Variants in ABLIM1 observed in about 807,000 individuals in gnomAD.
ABLIM1 encodes the protein actin binding LIM protein 1, also known as actin-binding LIM protein 1.
A neutral mutation model predicts 107.0 loss-of-function variants in ABLIM1; 40 were observed. The observed-to-expected ratio is 0.37, with a 90% CI of 0.29 to 0.49. The LOEUF is 0.49. ABLIM1 is among the 20% of genes least tolerant of loss of function. The pLI, the probability that ABLIM1 is intolerant of heterozygous loss-of-function variation, is 0.97. For missense variants in ABLIM1, 857 were observed against 1,008.5 expected (o/e 0.85, Z 2.04); for synonymous variants, 357 against 357.3 (o/e 1.00, Z 0.01).
At chr10:114,612,874 G>C (rs970852606) in intron 1 of ABLIM1, among the ~76,000 whole-genome samples, 2 of 152,220 alleles carry the variant, frequency 1.3e-5, no homozygotes, top group African/African-American at 4.8e-5. Flanking sequence ...TCTTGAGACA[G>C]GGTTTAGCTT....
At chr10:114,693,550 T>C (rs1483089410) in intron 1 of ABLIM1, among the ~76,000 whole-genome samples, 1 of 152,214 alleles carries the variant, frequency 6.6e-6, no homozygotes, top group African/African-American at 2.4e-5. Flanking sequence ...CCCCTGCAGC[T>C]CTTCCTCGCA....
intron 1 of ABLIM1, among the ~76,000 whole-genome samples, chr10:114,745,755 C>T (rs1389361026): frequency 6.6e-6 from 1 of 152,134 alleles, no homozygotes; most frequent in Non-Finnish European, 1.5e-5. Flanking sequence ...GTAGGAGAAT[C>T]GCTTGAACCC....
At chr10:114,602,054 G>A in intron 1 of ABLIM1, 93 bp from the exon 2 acceptor site, 3 of 1,514,166 alleles carry the variant, frequency 2.0e-6, no homozygotes, top group African/African-American at 1.4e-5. Context: ...TGTCAAATGA[G>A]CCACAGAGAT....
chr10:114,616,644 C>A (rs2077148038), intron 1 of ABLIM1, among the ~76,000 whole-genome samples: 1 of 152,106 alleles, frequency 6.6e-6, no homozygotes, highest in Non-Finnish European at 1.5e-5. Context: ...AGGAGTGGAC[C>A]CTCCTGGGTT....
chr10:114,543,198 G>A (rs963417049), intron 6 of ABLIM1, among the ~76,000 whole-genome samples: 7 of 152,140 alleles, frequency 4.6e-5, no homozygotes, highest in Non-Finnish European at 8.8e-5. Flanking sequence ...ATTTTAAAGT[G>A]AACAATTCAG....
At chr10:114,455,321 T>C (rs1422600451) in intron 12 of ABLIM1, among the ~76,000 whole-genome samples, 2 of 152,228 alleles carry the variant, frequency 1.3e-5, no homozygotes, top group African/African-American at 4.8e-5. Context: ...GACCCAAATA[T>C]GTTATAATGT....
chr10:114,485,058 A>G (rs1323627396), intron 8 of ABLIM1, among the ~76,000 whole-genome samples: 1 of 152,278 alleles, frequency 6.6e-6, no homozygotes, highest in Admixed American at 6.5e-5. Flanking sequence ...GGACCAAAAG[A>G]TAGCTTCTGA....
chr10:114,596,721 C>A (rs1161866509), intron 2 of ABLIM1, among the ~76,000 whole-genome samples: 1 of 152,160 alleles, frequency 6.6e-6, no homozygotes, highest in Non-Finnish European at 1.5e-5. Context: ...CCATCGCAAC[C>A]CTTTCCCACC....
At chr10:114,459,874 A>G (rs180714459) in intron 12 of ABLIM1, among the ~76,000 whole-genome samples, 7 of 152,320 alleles carry the variant, frequency 4.6e-5, no homozygotes, top group Non-Finnish European at 1.0e-4. Flanking sequence ...AAACACTTCA[A>G]ATGCAGACTG....
rs35168530 is a variant in ABLIM1, at chr10:114,641,247, T to TAAAAA, written c.244+16705_244+16709dup. ...GAGAAAGTCACTGTGAAGCCAATCA[T>TAAAAA]AAAAAAAAAAAAAAAAAAAAAAAAA... On this transcript the variant is annotated intron_variant, in intron 1 of 22. Coordinates refer to ENST00000533213, the MANE Select transcript of ABLIM1 (RefSeq NM_002313.7). Among the ~76,000 whole-genome samples the TAAAAA allele has an allele frequency of 4.6e-4, 17 of 37,086 alleles. 1 individual carries two copies. The highest frequency in any genetic ancestry group is 8.3e-4 in the Non-Finnish European group (15 of 18,004). The allele number at this position is 37,086 out of a possible 152,430, so 24.3% of individuals were successfully genotyped here.
chr10:114,518,021 A>C (rs890467679), intron 6 of ABLIM1, among the ~76,000 whole-genome samples: 1 of 151,862 alleles, frequency 6.6e-6, no homozygotes, highest in Admixed American at 6.6e-5. Flanking sequence ...AAAGGATTTT[A>C]CCACTATGTG....
At chr10:114,467,869 G>T (rs2065520036) in intron 11 of ABLIM1, among the ~76,000 whole-genome samples, 1 of 152,168 alleles carries the variant, frequency 6.6e-6, no homozygotes. Flanking sequence ...ATTAATTATA[G>T]ATGCGGACAA....
chr10:114,677,354 G>C (rs749590847), intron 1 of ABLIM1, among the ~76,000 whole-genome samples: 1 of 152,202 alleles, frequency 6.6e-6, no homozygotes, highest in Non-Finnish European at 1.5e-5. Context: ...AAATACCTGA[G>C]AAAAGTATAA....
chr10:114,441,125 T>G, intron 18 of ABLIM1, 48 bp from the exon 19 acceptor site: 1 of 1,527,786 alleles, frequency 6.5e-7, no homozygotes, highest in Non-Finnish European at 8.9e-7. Flanking sequence ...AGTGATCGTT[T>G]TGGAGTCAGG....
intron 1 of ABLIM1, chr10:114,615,721 C>G (rs971738405): frequency 1.4e-5 from 5 of 354,100 alleles, no homozygotes; most frequent in Non-Finnish European, 3.0e-5. Flanking sequence ...TTGGGTTCAC[C>G]AACAGTGTCT....
At chr10:114,487,491 G>T (rs1198253569) in intron 8 of ABLIM1, among the ~76,000 whole-genome samples, 2 of 152,154 alleles carry the variant, frequency 1.3e-5, no homozygotes, top group African/African-American at 4.8e-5. Flanking sequence ...TTCCCCAAAG[G>T]TTTTATCTGA....
rs1327015703 is a variant in ABLIM1, at chr10:114,707,908, A to C, written c.-213+60153T>G. On this transcript the variant is annotated intron_variant, in intron 1 of 15. Transcript: ENST00000651092. The surrounding 1 kb of genome is among the most constrained non-coding windows in gnomAD (Gnocchi z 4.1). ...AAGAGCAAAACTCCGTCTCAAAACAAACAAACAAACAAACAACAACAACAA... is the reference window on the plus strand; with the variant it reads ...AAGAGCAAAACTCCGTCTCAAAACACACAAACAAACAAACAACAACAACAA... Among the ~76,000 whole-genome samples, 1 of 151,094 alleles carries C rather than the reference A, an allele frequency of 6.6e-6. No homozygotes were observed. Among genetic ancestry groups the C allele is most frequent in the Non-Finnish European group, 1.5e-5 (1 of 67,974 alleles).
At chr10:114,788,342 A>T in the ABLIM1 span, among the ~76,000 whole-genome samples, 74 of 19,578 alleles carry the variant, frequency 3.8e-3, no homozygotes, top group South Asian at 0.013. Context: ...AATAAAAAAA[A>T]AAAAAATAAA....
At chr10:114,794,125 A>G in the ABLIM1 span, among the ~76,000 whole-genome samples, 1 of 152,198 alleles carries the variant, frequency 6.6e-6, no homozygotes, top group Admixed American at 6.5e-5. Context: ...ATGTGTCTGG[A>G]CCTACTAGGT....
Sources: gnomAD v4.1 joint callset for allele counts (sites outside exome capture counted in the v4.1 genomes callset) on GRCh38, gnomAD v4.1.1 for gene constraint, Gnocchi (gnomAD v3.1) non-coding constraint, MANE v1.5 for transcripts, NCBI Gene and HGNC (gene_info 2026-07-23, HGNC 2026-07-21) for gene names.